The following ATXN2L variants were observed in gnomAD, a reference collection of about 807,000 sequenced individuals.
ATXN2L encodes the protein ataxin-2-like protein.
Under a neutral mutation model 120.7 loss-of-function variants are expected in ATXN2L, and 24 were observed. The observed-to-expected ratio is 0.20, with a 90% CI of 0.14 to 0.28. The LOEUF is 0.28. Ranked by LOEUF, ATXN2L falls within the 10% of genes least tolerant of loss-of-function variation. ATXN2L has a pLI of 1.00. For synonymous variants in ATXN2L, 653 were observed against 568.1 expected, an observed-to-expected ratio of 1.15 and a Z score of -2.13; for missense variants, 1,312 against 1,432.3, an observed-to-expected ratio of 0.92 and a Z score of 1.36.
intron 20 of ATXN2L, 58 bp from the exon 21 acceptor site, chr16:28,835,491 G>T (rs1446966832): frequency 3.1e-6 from 5 of 1,610,542 alleles, no homozygotes; most frequent in Non-Finnish European, 4.2e-6. Flanking sequence ...GAGTGGCGAG[G>T]ACTGGGGGCC....
chr16:28,823,154 C>A lies in ATXN2L; in HGVS notation c.-106C>A. ...CTCCCCCCGCCCGCCCACGGCGGGCCCCGGCTGCCCGATCCCCCTCGCTTC... is the reference window on the plus strand; with the variant it reads ...CTCCCCCCGCCCGCCCACGGCGGGCACCGGCTGCCCGATCCCCCTCGCTTC... On this transcript the variant is annotated 5_prime_UTR_variant, in exon 1 of 22. Transcript: ENST00000336783. 4.2e-6 allele frequency: 3 copies of A among 708,320 alleles called. No homozygotes were observed. The highest frequency in any genetic ancestry group is 5.9e-6 in the Non-Finnish European group (3 of 510,792). 43.9% of individuals were successfully genotyped at this position (708,320 alleles called of 1,614,324 possible).
rs781196919 is a variant in ATXN2L at position 28,834,685 on chromosome 16, C to T, written c.2425C>T (p.Pro809Ser). 6.2e-6 allele frequency: 10 copies of T among 1,610,204 alleles called. No individual in the cohort carries two copies. In the South Asian group the frequency reaches 7.7e-5, roughly 12 times the overall value. ...PAMMQPMAHY[P>S]SQPVFAPMLQ... ...CATGATGCAGCCCATGGCCCACTACCCCTCACAGGTGACTGCGGCCCAGGA... is the reference window on the plus strand; with the variant it reads ...CATGATGCAGCCCATGGCCCACTACTCCTCACAGGTGACTGCGGCCCAGGA... Residue 809 changes from proline (P) to serine (S), a missense_variant, in exon 18 of 22, where the codon CCC (proline) becomes TCC (serine). Transcript: ENST00000336783.
chr16:28,836,937 A>G lies in ATXN2L; in HGVS notation c.*672A>G, dbSNP rs1193367018. 3.8e-6 allele frequency: 3 copies of G among 785,212 alleles called. No individual in the cohort carries two copies. In the African/African-American group the frequency reaches 5.2e-5, roughly 14 times the overall value. The allele number at this position is 785,212 out of a possible 1,614,324, so 48.6% of individuals were successfully genotyped here. A position where few individuals can be genotyped will look rare whatever the true frequency, so the allele number is the denominator to read the frequency against. Reference sequence around the variant, plus strand: ...GCACCTTGAATGGGAGGGGCCTCACAGAGGGCAGGGCCAGGGTCCAGCAGG... The same window carrying G: ...GCACCTTGAATGGGAGGGGCCTCACGGAGGGCAGGGCCAGGGTCCAGCAGG... On this transcript the variant is annotated 3_prime_UTR_variant, in exon 22 of 22. Transcript: ENST00000336783.
At chr16:28,827,367 C>G (rs1004942525) in intron 6 of ATXN2L, among the ~76,000 whole-genome samples, 2 of 150,492 alleles carry the variant, frequency 1.3e-5, no homozygotes, top group Admixed American at 6.6e-5. Context: ...CCAGGGAGGT[C>G]GAGGCTACAG....
intron 21 of ATXN2L, 62 bp downstream of exon 21, chr16:28,835,820 A>G (rs1045833754): frequency 3.7e-6 from 6 of 1,603,152 alleles, no homozygotes; most frequent in East Asian, 4.5e-5. Context: ...CATGGGGACC[A>G]TCCCATTGCC....
chr16:28,834,325 CT>C lies in ATXN2L; in HGVS notation c.2173-17del, dbSNP rs750647927. 3.7e-5 allele frequency: 59 copies of C among 1,613,226 alleles called. No individual in the cohort carries two copies. Among genetic ancestry groups the C allele is most frequent in the Non-Finnish European group, 4.8e-5 (57 of 1,179,302 alleles). On this transcript the variant is annotated splice_polypyrimidine_tract_variant and intron_variant, in intron 16 of 21. Transcript: ENST00000336783. ...TCGTGAGCGAGTCATTCAGCCTCAT[CT>C]GTGTCCTCATCCCCAGGCACCTCAG...
intron 10 of ATXN2L, among the ~76,000 whole-genome samples, chr16:28,831,733 G>T (rs1170286437): frequency 6.6e-6 from 1 of 152,050 alleles, no homozygotes; most frequent in Non-Finnish European, 1.5e-5. Flanking sequence ...AAAATAAAAA[G>T]ATTAGCTAGG....
In ATXN2L at chr16:28,826,338, T is replaced by C; in HGVS notation, c.564T>C (p.Ser188=). ...DIVDTMVFKP[S]DVMLVHFRNV... is the part of the protein sequence containing the mutation. ...TGGACACCATGGTGTTTAAGCCAAG[T>C]GATGTCATGCTTGTTCACTTCCGAA... Residue 188 remains serine, a synonymous_variant, in exon 5 of 22, where the codon AGT becomes AGC. Transcript: ENST00000336783. 1.2e-6 allele frequency: 2 copies of C among 1,614,208 alleles called. No individual in the cohort carries two copies. The highest frequency in any genetic ancestry group is 2.2e-5 in the South Asian group (2 of 91,084).
chr16:28,824,600 C>G, intron 1 of ATXN2L: 1 of 1,242,796 alleles, frequency 8.0e-7, no homozygotes, highest in South Asian at 1.3e-5. Flanking sequence ...GAGGGGATAC[C>G]CCTCCTCCCA....
rs776934100 is a variant in ATXN2L, at chr16:28,835,280, A to G, written c.2566A>G (p.Thr856Ala). The G allele has an allele frequency of 4.3e-6, 7 of 1,613,502 alleles. No individual in the cohort carries two copies. The highest frequency in any genetic ancestry group is 3.3e-5 in the Admixed American group (2 of 59,968). ...EQPTPQALYATVHQSYPHHAT... is the reference protein window; with the variant it reads ...EQPTPQALYAAVHQSYPHHAT... ...GTTCTCCCTCTTTCCTGCTGCAGCCACTGTTCACCAGTCCTACCCACACCA... is the reference window on the plus strand; with the variant it reads ...GTTCTCCCTCTTTCCTGCTGCAGCCGCTGTTCACCAGTCCTACCCACACCA... The change falls in exon 20 of 22, where the codon ACT (threonine) becomes GCT (alanine). Residue 856 changes from threonine (T) to alanine (A), a missense_variant and splice_region_variant. Thr to Ala is a moderately conservative substitution (Grantham distance 58). Coordinates refer to ENST00000336783, the MANE Select transcript of ATXN2L (RefSeq NM_007245.4).
At chr16:28,823,892 AC>A in intron 1 of ATXN2L, 1 of 275,638 alleles carries the variant, frequency 3.6e-6, no homozygotes, top group East Asian at 7.1e-5. Flanking sequence ...CGGTTCCATT[AC>A]CACGAAGGGT....
rs780789806 is a variant in ATXN2L, at chr16:28,823,224, C to G, written c.-36C>G. ...CCCAGCCCCGGCCCCCTCTCTCCCT[C>G]CCTTCTCTCTAATTCCCCTTCCGGA... On this transcript the variant is annotated 5_prime_UTR_variant, in exon 1 of 22. Transcript: ENST00000336783. 3 of 1,353,836 alleles carry G rather than the reference C, an allele frequency of 2.2e-6. No homozygotes were observed. Among genetic ancestry groups the G allele is most frequent in the Non-Finnish European group, 2.9e-6 (3 of 1,044,004 alleles). The allele number at this position is 1,353,836 out of a possible 1,614,324, so 83.9% of individuals were successfully genotyped here. A position where few individuals can be genotyped will look rare whatever the true frequency, so the allele number is the denominator to read the frequency against.
intron 9 of ATXN2L, 65 bp downstream of exon 9, chr16:28,830,855 A>G: frequency 1.3e-6 from 2 of 1,526,168 alleles, no homozygotes; most frequent in Non-Finnish European, 1.8e-6. Flanking sequence ...TGGGAGGGTA[A>G]TTGGAGGGGT....
Position 28,834,143 on chromosome 16 carries a change from C to G in ATXN2L, c.2104C>G (p.Gln702Glu). 1 of 1,614,164 alleles carries G rather than the reference C, an allele frequency of 6.2e-7. No individual in the cohort carries two copies. Among genetic ancestry groups the G allele is most frequent in the Non-Finnish European group, 8.5e-7 (1 of 1,180,012 alleles). Reference sequence around the variant, plus strand: ...CTCCATCCCGGTGCTGACAGCAGGCCAGAGTGGGCTATACAGCCCCCAGTA... The same window carrying G: ...CTCCATCCCGGTGCTGACAGCAGGCGAGAGTGGGCTATACAGCCCCCAGTA... ...TPSIPVLTAG[Q>E]SGLYSPQYIS... The change falls in exon 16 of 22, where the codon CAG (glutamine) becomes GAG (glutamate). Residue 702 changes from glutamine to glutamate, a missense_variant. Coordinates refer to ENST00000336783, the MANE Select transcript of ATXN2L (RefSeq NM_007245.4).
chr16:28,830,570 C>T (rs760543421), intron 8 of ATXN2L, 45 bp from the exon 9 acceptor site: 4 of 1,504,930 alleles, frequency 2.7e-6, no homozygotes, highest in South Asian at 2.6e-5. Flanking sequence ...CTTTCCAAAA[C>T]GTGGGTTTTG....
rs1363864075 is a variant in ATXN2L at position 28,835,351 on chromosome 16, T to A, written c.2637T>A (p.Pro879=). 2.5e-6 allele frequency: 4 copies of A among 1,613,346 alleles called. No individual in the cohort carries two copies. The highest frequency in any genetic ancestry group is 3.4e-6 in the Non-Finnish European group (4 of 1,179,936). Residue 879 remains proline, a synonymous_variant, in exon 20 of 22, where the codon CCT becomes CCA. Coordinates refer to ENST00000336783, the MANE Select transcript of ATXN2L (RefSeq NM_007245.4). ...ACCAGCCGCAGCCGGCTACCACGCC[T>A]ACTGGAAGCCAGCCGCAGTCCCAGC... ...HAHQPQPATT[P]TGSQPQSQHA...
rs528724544 is a variant in ATXN2L, at chr16:28,827,330, AG to A, written c.741+346del. Among the ~76,000 whole-genome samples the A allele has an allele frequency of 2.0e-3, 312 of 152,228 alleles. 1 individual carries two copies. The highest frequency in any genetic ancestry group is 0.01 in the Middle Eastern group (3 of 294). ...GTACCTGTAGTCCCAGCTACTTGGG[AG>A]GCTGAAGTGGAAGGATCACTTGAGC... On this transcript the variant is annotated intron_variant, in intron 6 of 21. Coordinates refer to ENST00000336783, the MANE Select transcript of ATXN2L (RefSeq NM_007245.4).
intron 1 of ATXN2L, chr16:28,824,478 C>G: frequency 1.6e-6 from 2 of 1,288,232 alleles, no homozygotes; most frequent in Non-Finnish European, 2.0e-6. Context: ...CCTCTTCGCC[C>G]TCAACCGCCG....
chr16:28,836,592 T>A lies in ATXN2L; in HGVS notation c.*327T>A. On this transcript the variant is annotated 3_prime_UTR_variant, in exon 22 of 22. Coordinates refer to ENST00000336783, the MANE Select transcript of ATXN2L (RefSeq NM_007245.4). ...GGAAACAGCGATTGACCTGTGCTTC[T>A]GACAGCCCCCGAGACACCTTGAGGA... The A allele has an allele frequency of 6.4e-7, 1 of 1,574,800 alleles. No individual in the cohort carries two copies. The highest frequency in any genetic ancestry group is 2.3e-5 in the East Asian group (1 of 44,138).
Sources: gnomAD v4.1 joint callset for allele counts (sites outside exome capture counted in the v4.1 genomes callset) on GRCh38, gnomAD v4.1.1 for gene constraint, MANE v1.5 for transcripts, NCBI Gene and HGNC (gene_info 2026-07-23, HGNC 2026-07-21) for gene names.